Variants in CACNG1 observed in about 807,000 individuals in gnomAD.
CACNG1 encodes calcium voltage-gated channel auxiliary subunit gamma 1.
CACNG1 carries 21 observed loss-of-function variants against 22.0 expected under a neutral mutation model. That is an observed-to-expected ratio of 0.95 (90% CI 0.68 to 1.37). The LOEUF (loss-of-function observed/expected upper bound fraction) is 1.37, where lower values mean the gene tolerates loss of function less well. CACNG1 is among the 40% of genes most tolerant of loss of function. The pLI is 0.00. For synonymous variants in CACNG1, 127 were observed against 129.2 expected (o/e 0.98, Z 0.12); for missense variants, 291 against 308.6 (o/e 0.94, Z 0.43).
Position 67,044,960 on chromosome 17 carries a change from C to G in CACNG1, c.229+71C>G, listed in dbSNP as rs1334733122. 5 of 1,293,730 alleles carry G rather than the reference C, an allele frequency of 3.9e-6. No homozygotes were observed. Among genetic ancestry groups the G allele is most frequent in the Non-Finnish European group, 5.4e-6 (5 of 923,624 alleles). The allele number at this position is 1,293,730 out of a possible 1,614,324, so 80.1% of individuals were successfully genotyped here. ...CCGTCATCCCCCTGGCAAAGTTGCC[C>G]TTGCGAAGGAAGGCAGGTTTCTCTG... On this transcript the variant is annotated intron_variant, in intron 1 of 3. Transcript: ENST00000226021. The surrounding 1 kb of genome is among the most constrained non-coding windows in gnomAD (Gnocchi z 6.9).
In CACNG1 at chr17:67,054,934, CACAT is replaced by C. The variant is rs1282067220; in HGVS notation, c.305-165_305-162del. On this transcript the variant is annotated intron_variant, in intron 2 of 3. Coordinates refer to ENST00000226021, the MANE Select transcript of CACNG1 (RefSeq NM_000727.4). This position sits in a 1 kb window ranked among gnomAD's most constrained non-coding sequence, Gnocchi z 4.6. ...AGACACTGACACACACACAGATACA[CACAT>C]ACAATGACACACACAAGACAGACAC... Among the ~76,000 whole-genome samples the C allele has an allele frequency of 6.6e-5, 10 of 151,602 alleles. No homozygotes were observed. The highest frequency in any genetic ancestry group is 1.7e-4 in the African/African-American group (7 of 41,218).
chr17:67,054,130 C>T lies in CACNG1; in HGVS notation c.304+60C>T. The stretch of plus-strand genomic sequence containing the variant: ...GAGGGGACTTCTGTGTTGTGCACCA[C>T]TGGGCCAGAAAGTCATTGGCAAAAG... On this transcript the variant is annotated intron_variant, in intron 2 of 3. Coordinates refer to ENST00000226021, the MANE Select transcript of CACNG1 (RefSeq NM_000727.4). The surrounding 1 kb of genome is among the most constrained non-coding windows in gnomAD (Gnocchi z 4.6). 1 of 1,355,638 alleles carries T rather than the reference C, an allele frequency of 7.4e-7. No individual in the cohort carries two copies. 84.0% of individuals were successfully genotyped at this position (1,355,638 alleles called of 1,614,324 possible). A position where few individuals can be genotyped will look rare whatever the true frequency, so the allele number is the denominator to read the frequency against.
intron 1 of CACNG1, among the ~76,000 whole-genome samples, chr17:67,046,715 G>C (rs538468852): frequency 6.6e-6 from 1 of 152,316 alleles, no homozygotes; most frequent in South Asian, 2.1e-4. Flanking sequence ...CACACATGGG[G>C]ACGTGCTGTT....
Position 67,044,616 on chromosome 17 carries a change from C to A in CACNG1, c.-45C>A. 1.5e-6 allele frequency: 2 copies of A among 1,361,954 alleles called. No individual in the cohort carries two copies. The highest frequency in any genetic ancestry group is 1.2e-5 in the South Asian group (1 of 84,484). The allele number at this position is 1,361,954 out of a possible 1,614,324, so 84.4% of individuals were successfully genotyped here. A position where few individuals can be genotyped will look rare whatever the true frequency, so the allele number is the denominator to read the frequency against. The stretch of plus-strand genomic sequence containing the variant: ...GGCTTGTCACCTGCCCTAGGAGACG[C>A]AGCCGCCGGACCCTGCCCAGGGCAC... On this transcript the variant is annotated 5_prime_UTR_variant, in exon 1 of 4. Coordinates refer to ENST00000226021, the MANE Select transcript of CACNG1 (RefSeq NM_000727.4). The surrounding 1 kb of genome is among the most constrained non-coding windows in gnomAD (Gnocchi z 6.9).
chr17:67,056,561 C>A lies in CACNG1; in HGVS notation c.*290C>A. On this transcript the variant is annotated 3_prime_UTR_variant, in exon 4 of 4. Transcript: ENST00000226021. This position sits in a 1 kb window ranked among gnomAD's most constrained non-coding sequence, Gnocchi z 4.3. ...ACTTCCCCTGGAGCTCAGAGGTGTC[C>A]CCACTGTACCAGCCTCTGATAAGCT... The A allele has an allele frequency of 2.1e-6, 1 of 486,592 alleles. No individual in the cohort carries two copies. The highest frequency in any genetic ancestry group is 3.7e-6 in the Non-Finnish European group (1 of 267,300). 30.1% of individuals were successfully genotyped at this position (486,592 alleles called of 1,614,324 possible). A position where few individuals can be genotyped will look rare whatever the true frequency, so the allele number is the denominator to read the frequency against.
In CACNG1 at chr17:67,045,036, G is replaced by T. The variant is rs937457497; in HGVS notation, c.229+147G>T. The stretch of plus-strand genomic sequence containing the variant: ...CTTTTCTGCCCAGGGAAGAAGATAT[G>T]AATTGCATGTGTGGTGCTGGTGGCT... On this transcript the variant is annotated intron_variant, in intron 1 of 3. Transcript: ENST00000226021. 20 of 670,728 alleles carry T rather than the reference G, an allele frequency of 3.0e-5. No homozygotes were observed. In the East Asian group the frequency reaches 5.4e-4, roughly 18 times the overall value. The allele number at this position is 670,728 out of a possible 1,614,324, so 41.5% of individuals were successfully genotyped here.
intron 1 of CACNG1, among the ~76,000 whole-genome samples, chr17:67,053,269 GC>G (rs2035738613): frequency 6.6e-6 from 1 of 152,218 alleles, no homozygotes; most frequent in Admixed American, 6.5e-5. Context: ...CTCGGAAAAA[GC>G]CCTTTGCAGG....
rs2035752416 is a variant in CACNG1, at chr17:67,055,024, T to C, written c.305-79T>C. 20 of 1,421,610 alleles carry C rather than the reference T, an allele frequency of 1.4e-5. No homozygotes were observed. Among genetic ancestry groups the C allele is most frequent in the Non-Finnish European group, 9.7e-7 (1 of 1,030,622 alleles). The allele number at this position is 1,421,610 out of a possible 1,614,324, so 88.1% of individuals were successfully genotyped here. A position where few individuals can be genotyped will look rare whatever the true frequency, so the allele number is the denominator to read the frequency against. ...ACAGACACTGACACACACACTGTGG[T>C]GCATGGTGTGGTCCCTAACGAGCCA... On this transcript the variant is annotated intron_variant, in intron 2 of 3. Transcript: ENST00000226021. This position sits in a 1 kb window ranked among gnomAD's most constrained non-coding sequence, Gnocchi z 4.5.
Position 67,054,467 on chromosome 17 carries a change from T to G in CACNG1, c.304+397T>G, listed in dbSNP as rs1285805002. On this transcript the variant is annotated intron_variant, in intron 2 of 3. Coordinates refer to ENST00000226021, the MANE Select transcript of CACNG1 (RefSeq NM_000727.4). The surrounding 1 kb of genome is among the most constrained non-coding windows in gnomAD (Gnocchi z 4.6). ...CCTCCCTGGCCTAGAAATCCCTCCC[T>G]GAGTACCAGGAGGGTGCGGTGGGCT... 6.6e-6 allele frequency among the ~76,000 whole-genome samples: 1 copy of G among 152,110 alleles called. No homozygotes were observed. Among genetic ancestry groups the G allele is most frequent in the African/African-American group, 2.4e-5 (1 of 41,416 alleles).
chr17:67,055,258 C>A lies in CACNG1; in HGVS notation c.442+18C>A. The A allele has an allele frequency of 1.2e-6, 2 of 1,605,872 alleles. No individual in the cohort carries two copies. Among genetic ancestry groups the A allele is most frequent in the East Asian group, 4.5e-5 (2 of 44,632 alleles). ...CTTTGCAGGTAGACTGGGGGATCTG[C>A]CTGAGCGCCGGGGCCGGGGGACCAT... On this transcript the variant is annotated intron_variant, in intron 3 of 3. Coordinates refer to ENST00000226021, the MANE Select transcript of CACNG1 (RefSeq NM_000727.4). The surrounding 1 kb of genome is among the most constrained non-coding windows in gnomAD (Gnocchi z 4.5).
rs2035747455 is a variant in CACNG1 at position 67,054,595 on chromosome 17, G to A, written c.305-508G>A. On this transcript the variant is annotated intron_variant, in intron 2 of 3. Coordinates refer to ENST00000226021, the MANE Select transcript of CACNG1 (RefSeq NM_000727.4). This position sits in a 1 kb window ranked among gnomAD's most constrained non-coding sequence, Gnocchi z 4.6. ...AGACAGCTGCACACAGGGTGAGTGG[G>A]CAGACACACAGACACACACTGACAC... is the stretch of plus-strand genomic sequence containing the variant. Among the ~76,000 whole-genome samples, 1 of 151,984 alleles carries A rather than the reference G, an allele frequency of 6.6e-6. No individual in the cohort carries two copies. Among genetic ancestry groups the A allele is most frequent in the Non-Finnish European group, 1.5e-5 (1 of 67,994 alleles).
rs1052244970 is a variant in CACNG1 at position 67,054,788 on chromosome 17, AGACACACACT to A, written c.305-305_305-296del. On this transcript the variant is annotated intron_variant, in intron 2 of 3. Coordinates refer to ENST00000226021, the MANE Select transcript of CACNG1 (RefSeq NM_000727.4). This position sits in a 1 kb window ranked among gnomAD's most constrained non-coding sequence, Gnocchi z 4.6. ...CAAAATGACACACAGTGACACACAC[AGACACACACT>A]GACACACACGTACAATGACACAGAC... Among the ~76,000 whole-genome samples the A allele has an allele frequency of 1.3e-5, 2 of 151,504 alleles. No individual in the cohort carries two copies. The highest frequency in any genetic ancestry group is 2.9e-5 in the Non-Finnish European group (2 of 67,850).
chr17:67,046,128 T>C (rs1390295013), intron 1 of CACNG1, among the ~76,000 whole-genome samples: 1 of 152,144 alleles, frequency 6.6e-6, no homozygotes, highest in East Asian at 1.9e-4. Flanking sequence ...TACCCTCAAA[T>C]GACCATCCAG....
intron 1 of CACNG1, among the ~76,000 whole-genome samples, chr17:67,047,048 C>G (rs541266689): frequency 6.6e-6 from 1 of 152,216 alleles, no homozygotes; most frequent in South Asian, 2.1e-4. Flanking sequence ...CCCATCTGCC[C>G]TTCTTGTGCT....
rs575818484 is a variant in CACNG1 at position 67,049,669 on chromosome 17, C to A, written c.230-4327C>A. ...CCAGCTAACAAATAGAGGTTCTCCACTCAAGTCTTGAATCCAGAGCCTCCT... is the reference window on the plus strand; with the variant it reads ...CCAGCTAACAAATAGAGGTTCTCCAATCAAGTCTTGAATCCAGAGCCTCCT... On this transcript the variant is annotated intron_variant, in intron 1 of 3. Transcript: ENST00000226021. 1.4e-4 allele frequency among the ~76,000 whole-genome samples: 21 copies of A among 152,314 alleles called. No individual in the cohort carries two copies. In the South Asian group the frequency reaches 4.3e-3, roughly 32 times the overall value.
In CACNG1 at chr17:67,055,380, C is replaced by T; in HGVS notation, c.442+140C>T. On this transcript the variant is annotated intron_variant, in intron 3 of 3. Transcript: ENST00000226021. This position sits in a 1 kb window ranked among gnomAD's most constrained non-coding sequence, Gnocchi z 4.5. ...ATCCCCATCCAGGGGCAAACCTGGC[C>T]AGGCCATCAGCGACTCCAGGTGGGT... is the stretch of plus-strand genomic sequence containing the variant. The T allele has an allele frequency of 1.0e-6, 1 of 977,142 alleles. No homozygotes were observed. The highest frequency in any genetic ancestry group is 1.5e-6 in the Non-Finnish European group (1 of 678,552). The allele number at this position is 977,142 out of a possible 1,614,324, so 60.5% of individuals were successfully genotyped here.
chr17:67,054,089 G>T lies in CACNG1; in HGVS notation c.304+19G>T. 6.2e-7 allele frequency: 1 copy of T among 1,607,786 alleles called. No individual in the cohort carries two copies. The highest frequency in any genetic ancestry group is 1.1e-5 in the South Asian group (1 of 90,956). On this transcript the variant is annotated intron_variant, in intron 2 of 3. Transcript: ENST00000226021. This position sits in a 1 kb window ranked among gnomAD's most constrained non-coding sequence, Gnocchi z 4.6. ...CAGAAGGGTGAGCCTGGGTGGAAAG[G>T]GGTCTGGGGTGACAAGAGGGGACTT...
At chr17:67,046,232 G>A (rs1456331710) in intron 1 of CACNG1, among the ~76,000 whole-genome samples, 1 of 152,138 alleles carries the variant, frequency 6.6e-6, no homozygotes, top group Non-Finnish European at 1.5e-5. Flanking sequence ...GCTTACAGAC[G>A]CCCATCCACA....
intron 1 of CACNG1, among the ~76,000 whole-genome samples, chr17:67,052,194 A>G (rs527833615): frequency 1.3e-5 from 2 of 152,314 alleles, no homozygotes; most frequent in East Asian, 1.9e-4. Context: ...CAGAGCACCA[A>G]TTCTGACATC....
Sources: allele counts gnomAD v4.1 joint callset (sites outside exome capture counted in the v4.1 genomes callset), GRCh38; gene constraint gnomAD v4.1.1; non-coding constraint Gnocchi (gnomAD v3.1); transcripts MANE v1.5; gene names NCBI Gene and HGNC (gene_info 2026-07-23, HGNC 2026-07-21).